Variants in PARL observed in about 807,000 individuals in gnomAD.
The protein encoded by PARL is presenilin-associated rhomboid-like protein, mitochondrial.
A neutral mutation model predicts 51.6 loss-of-function variants in PARL; 44 were observed. The ratio of observed to expected loss-of-function variants is 0.85; its 90% CI spans 0.67 to 1.10. The LOEUF (loss-of-function observed/expected upper bound fraction) is 1.10. Among genes scored for constraint, PARL ranks in the 50% least tolerant of loss-of-function variants. The pLI, the probability that PARL is intolerant of heterozygous loss-of-function variation, is 0.00. For synonymous variants in PARL, 172 were observed against 164.0 expected, an observed-to-expected ratio of 1.05 and a Z score of -0.37; for missense variants, 441 against 469.5, an observed-to-expected ratio of 0.94 and a Z score of 0.56.
In PARL at chr3:183,866,675, C is replaced by A. The variant is rs1481111860; in HGVS notation, c.412G>T (p.Asp138Tyr). 2.5e-6 allele frequency: 4 copies of A among 1,612,234 alleles called. No homozygotes were observed. The highest frequency in any genetic ancestry group is 1.3e-5 in the African/African-American group (1 of 74,886). ...VQSYFDGIKA[D>Y]WLDSIRPQKE... ...TGTGGTCTTATGCTATCCAACCAATCAGCTTTTATACCATCAAAATAACTC... is the reference window on the plus strand; with the variant it reads ...TGTGGTCTTATGCTATCCAACCAATAAGCTTTTATACCATCAAAATAACTC... Residue 138 changes from aspartate (D) to tyrosine (Y), a missense_variant, in exon 3 of 10, where the codon GAT (aspartate) becomes TAT (tyrosine). Asp to Tyr is a radical substitution (Grantham distance 160). Transcript: ENST00000317096.
In PARL at chr3:183,859,025, C is replaced by T. The variant is rs562159232; in HGVS notation, c.511+3728G>A. Among the ~76,000 whole-genome samples, 4 of 152,152 alleles carry T rather than the reference C, an allele frequency of 2.6e-5. No individual in the cohort carries two copies. In the East Asian group the frequency reaches 5.9e-4, roughly 22 times the overall value. ...ACAGAACAGTCAAAAACTACAGACTCGCCGGGCGCGGTGGCTCACGCCTGT... is the reference window on the plus strand; with the variant it reads ...ACAGAACAGTCAAAAACTACAGACTTGCCGGGCGCGGTGGCTCACGCCTGT... On this transcript the variant is annotated intron_variant, in intron 4 of 9. Transcript: ENST00000317096.
intron 1 of PARL, among the ~76,000 whole-genome samples, chr3:183,882,858 C>T (rs1026358259): frequency 1.1e-4 from 16 of 152,094 alleles, no homozygotes; most frequent in African/African-American, 3.9e-4. Context: ...ATTATTAATA[C>T]ATCAAATGAC....
At chr3:183,826,771 CT>C, downstream of PARL, 1 of 985,440 alleles carries the variant, frequency 1.0e-6, no homozygotes, top group Non-Finnish European at 1.2e-6. Flanking sequence ...AGAGTGAACT[CT>C]TTGTGGACTG....
intron 3 of PARL, among the ~76,000 whole-genome samples, chr3:183,863,321 C>G (rs571242121): frequency 1.3e-5 from 2 of 151,198 alleles, no homozygotes; most frequent in East Asian, 3.9e-4. Context: ...GCATGAAATA[C>G]GTCTAGAATT....
At chr3:183,854,617 G>A (rs1577333937) in intron 4 of PARL, among the ~76,000 whole-genome samples, 2 of 151,898 alleles carry the variant, frequency 1.3e-5, no homozygotes, top group East Asian at 3.9e-4. Flanking sequence ...TTAATGAGTA[G>A]AGTTTCAGAT....
At chr3:183,841,115 C>T (rs1244691808) in intron 6 of PARL, among the ~76,000 whole-genome samples, 1 of 152,160 alleles carries the variant, frequency 6.6e-6, no homozygotes, top group Non-Finnish European at 1.5e-5. Flanking sequence ...TATTCTCTGG[C>T]TGTACTCCAG....
chr3:183,833,945 A>C (rs2305666), intron 7 of PARL, 120 bp from the exon 8 acceptor site: 137,196 of 731,038 alleles, frequency 0.19, 14,470 homozygotes, highest in East Asian at 0.42. Context: ...CTAGGTGAGC[A>C]CAAAGCTTCA....
rs374051459 is a variant in PARL, at chr3:183,830,560, C to T, written c.1029-851G>A. ...TCCAGGGGCAGTTAGTGAGAGCTTG[C>T]TATTAAAACCTTTATTTTTGCTCTG... On this transcript the variant is annotated intron_variant, in intron 9 of 9. Coordinates refer to ENST00000317096, the MANE Select transcript of PARL (RefSeq NM_018622.7). Among the ~76,000 whole-genome samples, 10 of 152,166 alleles carry T rather than the reference C, an allele frequency of 6.6e-5. No individual in the cohort carries two copies. The East Asian group carries it at 1.9e-3, about 29-fold the overall frequency.
chr3:183,842,916 C>G (rs1317953410), intron 5 of PARL, among the ~76,000 whole-genome samples: 4 of 144,624 alleles, frequency 2.8e-5, no homozygotes, highest in African/African-American at 7.7e-5. Flanking sequence ...TCGCCCCAGG[C>G]TGGAGTGCAG....
Position 183,864,059 on chromosome 3 carries a change from G to C in PARL, c.463-1258C>G, listed in dbSNP as rs1308855091. Reference sequence around the variant, plus strand: ...AGCTTTGTAAGAGATCCAGGATAATGGAATAGGTCAGTTTTACTATCTTCT... The same window carrying C: ...AGCTTTGTAAGAGATCCAGGATAATCGAATAGGTCAGTTTTACTATCTTCT... On this transcript the variant is annotated intron_variant, in intron 3 of 9. Transcript: ENST00000317096. Among the ~76,000 whole-genome samples, 3 of 152,186 alleles carry C rather than the reference G, an allele frequency of 2.0e-5. No homozygotes were observed. The South Asian group carries it at 6.2e-4, about 32-fold the overall frequency.
intron 4 of PARL, among the ~76,000 whole-genome samples, chr3:183,858,858 G>A (rs1052885580): frequency 7.9e-5 from 12 of 151,502 alleles, no homozygotes; most frequent in African/African-American, 2.9e-4. Context: ...CACTTTTTCA[G>A]AGCAATATGA....
intron 5 of PARL, among the ~76,000 whole-genome samples, chr3:183,844,023 AG>A (rs1729656990): frequency 6.6e-6 from 1 of 152,196 alleles, no homozygotes. Flanking sequence ...TGGGCAACAG[AG>A]GAAGACTCCG....
intron 7 of PARL, among the ~76,000 whole-genome samples, chr3:183,835,948 T>C (rs1728521984): frequency 1.3e-5 from 2 of 152,016 alleles, no homozygotes; most frequent in East Asian, 3.9e-4. Context: ...CCAGGCACAG[T>C]CGCTTACACC....
intron 9 of PARL, 45 bp downstream of exon 9, chr3:183,833,447 A>G: frequency 1.7e-6 from 2 of 1,159,850 alleles, no homozygotes; most frequent in East Asian, 4.7e-5. Context: ...GGAGGAGCGC[A>G]TGACCCAAGG....
intron 1 of PARL, among the ~76,000 whole-genome samples, chr3:183,872,711 C>A (rs989943337): frequency 7.9e-5 from 12 of 152,180 alleles, no homozygotes; most frequent in African/African-American, 2.7e-4. Context: ...CCATATCACA[C>A]AGGATTACAG....
chr3:183,853,943 C>T (rs1215533395), intron 4 of PARL, among the ~76,000 whole-genome samples: 2 of 152,108 alleles, frequency 1.3e-5, no homozygotes, highest in Admixed American at 6.5e-5. Flanking sequence ...ACTGGATATA[C>T]ATCCAAAAGA....
intron 1 of PARL, 141 bp downstream of exon 1, chr3:183,884,572 GGAGGCGAGA>G: frequency 1.3e-6 from 1 of 757,964 alleles, no homozygotes; most frequent in Non-Finnish European, 2.2e-6. Flanking sequence ...AGGACTGGAC[GGAGGCGAGA>G]GAGGAGAGAG....
intron 4 of PARL, chr3:183,846,620 G>A (rs1729983356): frequency 1.0e-6 from 1 of 985,344 alleles, no homozygotes. Flanking sequence ...TACTGGCACT[G>A]AAACAGACTG....
chr3:183,858,042 T>C (rs556736357), intron 4 of PARL, among the ~76,000 whole-genome samples: 8 of 152,224 alleles, frequency 5.3e-5, no homozygotes, highest in Non-Finnish European at 1.2e-4. Flanking sequence ...AGGGTTCTTA[T>C]GATGACTAAT....
Sources: gnomAD v4.1 joint callset for allele counts (sites outside exome capture counted in the v4.1 genomes callset) on GRCh38, gnomAD v4.1.1 for gene constraint, MANE v1.5 for transcripts, NCBI Gene and HGNC (gene_info 2026-07-23, HGNC 2026-07-21) for gene names.